Variants in B3GAT1 observed in about 807,000 individuals in gnomAD.
B3GAT1 encodes the protein galactosylgalactosylxylosylprotein 3-beta-glucuronosyltransferase 1.
A neutral mutation model predicts 28.4 loss-of-function variants in B3GAT1; 11 were observed. The observed-to-expected ratio is 0.39, with a 90% confidence interval of 0.24 to 0.64. B3GAT1 has a LOEUF of 0.64. Among genes scored for constraint, B3GAT1 ranks in the 30% least tolerant of loss-of-function variants. The pLI is 0.50. For synonymous variants in B3GAT1, 255 were observed against 223.1 expected, an observed-to-expected ratio of 1.14 and a Z score of -1.27; for missense variants, 375 against 491.0, an observed-to-expected ratio of 0.76 and a Z score of 2.23.
At chr11:134,396,046 C>T (rs1944498745) in intron 1 of B3GAT1, among the ~76,000 whole-genome samples, 2 of 152,120 alleles carry the variant, frequency 1.3e-5, no homozygotes, top group Non-Finnish European at 2.9e-5. Flanking sequence ...ACATCGGTTT[C>T]TCCAACATGG....
At chr11:134,394,900 T>C (rs562393719) in intron 1 of B3GAT1, among the ~76,000 whole-genome samples, 56 of 152,376 alleles carry the variant, frequency 3.7e-4, no homozygotes, top group African/African-American at 1.2e-3. Flanking sequence ...TCCTTTGTTT[T>C]TCTTTTTTTC....
intron 4 of B3GAT1, among the ~76,000 whole-genome samples, chr11:134,382,346 T>C (rs972448657): frequency 6.6e-6 from 1 of 152,172 alleles, no homozygotes; most frequent in Non-Finnish European, 1.5e-5. Flanking sequence ...CATGTGCATA[T>C]GTGTATATGT....
At chr11:134,403,983 T>TTA (rs55794505) in intron 1 of B3GAT1, among the ~76,000 whole-genome samples, 2,320 of 40,210 alleles carry the variant, frequency 0.058, 100 homozygotes, top group East Asian at 0.078. Context: ...GTTTCTTTCT[T>TTA]TATATATATA....
Position 134,380,652 on chromosome 11 carries a change from G to A in B3GAT1, c.*110C>T, listed in dbSNP as rs905745256. On this transcript the variant is annotated 3_prime_UTR_variant, in exon 6 of 6. Transcript: ENST00000312527. ...TCTCAGAAGCCCCCAGAATAGAAAG[G>A]AGGGTGATGGTGATTCCTTAGGAGT... The A allele has an allele frequency of 6.5e-6, 1 of 152,732 alleles. No individual in the cohort carries two copies. The highest frequency in any genetic ancestry group is 1.5e-5 in the Non-Finnish European group (1 of 68,120). 9.5% of individuals were successfully genotyped at this position (152,732 alleles called of 1,614,324 possible).
rs548339685 is a variant in B3GAT1 at position 134,393,485 on chromosome 11, C to T, written c.-281-5545G>A. On this transcript the variant is annotated intron_variant, in intron 1 of 5. Transcript: ENST00000312527. The surrounding 1 kb of genome is among the most constrained non-coding windows in gnomAD (Gnocchi z 4.0). ...TGATTTCTTCAAAGTGATTCAAGGG[C>T]TGAGGAGCACTTGGTGAGCAGTCTG... Among the ~76,000 whole-genome samples, 1 of 152,346 alleles carries T rather than the reference C, an allele frequency of 6.6e-6. No homozygotes were observed. The highest frequency in any genetic ancestry group is 2.1e-4 in the South Asian group (1 of 4,832).
rs1432087783 is a variant in B3GAT1, at chr11:134,384,079, C to T, written c.222G>A (p.Thr74=). 1.2e-6 allele frequency: 2 copies of T among 1,601,656 alleles called. No homozygotes were observed. Among genetic ancestry groups the T allele is most frequent in the Admixed American group, 3.3e-5 (2 of 59,856 alleles). The change falls in exon 3 of 6, where the codon ACG becomes ACA. Residue 74 remains threonine, a synonymous_variant. Coordinates refer to ENST00000312527, the MANE Select transcript of B3GAT1 (RefSeq NM_054025.3). ...GCGTGTCGGACCATGGCGGGGGCCG[C>T]GTGTACACGTACTCGGTGCGCACCA... ...VEVVRTEYVY[T]RPPPWSDTLP... is the part of the protein sequence containing the mutation.
In B3GAT1 at chr11:134,387,940, C is replaced by G. The variant is rs972649246; in HGVS notation, c.-281G>C. ...GGTCAGGAACCCTGGGGGGTGGACA[C>G]CTGCAAGAGAGAGCAGAAGCGGATA... On this transcript the variant is annotated splice_region_variant and 5_prime_UTR_variant, in exon 2 of 6. Transcript: ENST00000312527. The G allele has an allele frequency of 7.6e-7, 1 of 1,310,982 alleles. No individual in the cohort carries two copies. The highest frequency in any genetic ancestry group is 1.0e-6 in the Non-Finnish European group (1 of 963,482). 81.2% of individuals were successfully genotyped at this position (1,310,982 alleles called of 1,614,324 possible).
intron 2 of B3GAT1, chr11:134,387,222 C>T (rs981116685): frequency 6.6e-6 from 2 of 303,738 alleles, no homozygotes; most frequent in African/African-American, 2.1e-5. Flanking sequence ...ACCTCCCCCT[C>T]CCTTCACTTC....
chr11:134,401,996 T>C (rs1591648690), intron 1 of B3GAT1, among the ~76,000 whole-genome samples: 2 of 132,462 alleles, frequency 1.5e-5, no homozygotes. Flanking sequence ...GCCTGACCAC[T>C]GTCGGGAGGC....
Position 134,382,008 on chromosome 11 carries a change from G to A in B3GAT1, c.935C>T (p.Thr312Ile). Residue 312 changes from threonine (T) to isoleucine (I), a missense_variant, in exon 5 of 6, where the codon ACA becomes ATA. By Grantham distance (89) the Thr-to-Ile change is moderately conservative. Transcript: ENST00000312527. Reference protein sequence around the residue: ...ANCTKILVWHTRTEKPVLVNE... With the variant: ...ANCTKILVWHIRTEKPVLVNE... ...CACCAGCACTGGCTTCTCTGTCCGT[G>A]TGTGCCACACCAGGATCTGTGTGCC... 6.2e-7 allele frequency: 1 copy of A among 1,614,124 alleles called. No individual in the cohort carries two copies.
chr11:134,398,286 A>T (rs568129989), intron 1 of B3GAT1, among the ~76,000 whole-genome samples: 1 of 152,268 alleles, frequency 6.6e-6, no homozygotes, highest in South Asian at 2.1e-4. Context: ...CTGTTGACAA[A>T]TCCACAATTG....
chr11:134,404,802 A>C (rs986871801), intron 1 of B3GAT1, among the ~76,000 whole-genome samples: 4 of 152,228 alleles, frequency 2.6e-5, no homozygotes, highest in Non-Finnish European at 5.9e-5. Flanking sequence ...GTGGGAGAAG[A>C]AGCTAATATC....
intron 1 of B3GAT1, among the ~76,000 whole-genome samples, chr11:134,404,048 C>T (rs1944681967): frequency 8.1e-6 from 1 of 123,836 alleles, no homozygotes; most frequent in Admixed American, 9.3e-5. Context: ...ACGTTAAGTT[C>T]TAGGGTACAT....
At chr11:134,389,970 C>A (rs966770109) in intron 1 of B3GAT1, 1 of 152,240 alleles carries the variant, frequency 6.6e-6, no homozygotes, top group East Asian at 1.9e-4. Flanking sequence ...TTTCCCAGGA[C>A]GGCCGGCATC....
At chr11:134,403,839 A>G (rs1372137255) in intron 1 of B3GAT1, among the ~76,000 whole-genome samples, 1 of 151,786 alleles carries the variant, frequency 6.6e-6, no homozygotes, top group Non-Finnish European at 1.5e-5. Flanking sequence ...AGCCAGTCTT[A>G]AAAGGACAAA....
chr11:134,401,460 C>T (rs1010599065), intron 1 of B3GAT1, among the ~76,000 whole-genome samples: 7 of 152,140 alleles, frequency 4.6e-5, no homozygotes, highest in African/African-American at 1.4e-4. Context: ...AGGCCATTAT[C>T]CTAAGTGAAG....
At position 134,380,576 on chromosome 11, in the gene B3GAT1, G is replaced by T. The variant is rs907567534; in HGVS notation, c.*186C>A. ...TGGATGGAGAGAACAACAGGTCTGGGATTTCTGTGCTTAAATTCTCTGTCC... is the reference window on the plus strand; with the variant it reads ...TGGATGGAGAGAACAACAGGTCTGGTATTTCTGTGCTTAAATTCTCTGTCC... On this transcript the variant is annotated 3_prime_UTR_variant, in exon 6 of 6. Transcript: ENST00000312527. The T allele has an allele frequency of 1.3e-5, 2 of 152,728 alleles. No individual in the cohort carries two copies. The highest frequency in any genetic ancestry group is 4.8e-5 in the African/African-American group (2 of 41,468). 9.5% of individuals were successfully genotyped at this position (152,728 alleles called of 1,614,324 possible). A position where few individuals can be genotyped will look rare whatever the true frequency, so the allele number is the denominator to read the frequency against.
Position 134,411,445 on chromosome 11 carries a change from T to TG in B3GAT1, c.-282+361dup, listed in dbSNP as rs1026930633. 2.3e-4 allele frequency among the ~76,000 whole-genome samples: 35 copies of TG among 152,146 alleles called. No homozygotes were observed. Among genetic ancestry groups the TG allele is most frequent in the Non-Finnish European group, 3.7e-4 (25 of 67,980 alleles). ...GGGGAGGTGGGGGACGACTGACCCC[T>TG]GACTCCTCATCCGGCCACCAGAAAC... is the stretch of plus-strand genomic sequence containing the variant. On this transcript the variant is annotated intron_variant, in intron 1 of 5. Coordinates refer to ENST00000312527, the MANE Select transcript of B3GAT1 (RefSeq NM_054025.3). The surrounding 1 kb of genome is among the most constrained non-coding windows in gnomAD (Gnocchi z 6.0).
rs746990727 is a variant in B3GAT1 at position 134,381,983 on chromosome 11, C to T, written c.960G>A (p.Val320=). 2 of 1,614,164 alleles carry T rather than the reference C, an allele frequency of 1.2e-6. No homozygotes were observed. The highest frequency in any genetic ancestry group is 3.3e-5 in the Admixed American group (2 of 60,032). Residue 320 remains valine, a synonymous_variant, in exon 5 of 6, where the codon GTG becomes GTA. Transcript: ENST00000312527. ...CAGTGAAGCCCTTCTTGCCCTCATT[C>T]ACCAGCACTGGCTTCTCTGTCCGTG... is the stretch of plus-strand genomic sequence containing the variant. ...WHTRTEKPVL[V]NEGKKGFTDP... is the part of the protein sequence containing the mutation.
Sources: gnomAD v4.1 joint callset for allele counts (sites outside exome capture counted in the v4.1 genomes callset) on GRCh38, gnomAD v4.1.1 for gene constraint, Gnocchi (gnomAD v3.1) non-coding constraint, MANE v1.5 for transcripts, NCBI Gene and HGNC (gene_info 2026-07-23, HGNC 2026-07-21) for gene names.